NAA35: variants seen among roughly 807,000 people sequenced by gnomAD.
The protein encoded by NAA35 is N-alpha-acetyltransferase 35, NatC auxiliary subunit.
A neutral mutation model predicts 101.7 loss-of-function variants in NAA35; 18 were observed. The observed-to-expected ratio is 0.18, with a 90% confidence interval of 0.12 to 0.26. The LOEUF is 0.26. Ranked by LOEUF, NAA35 falls within the 10% of genes least tolerant of loss-of-function variation. The pLI is 1.00. For missense variants in NAA35, 601 were observed against 886.8 expected, an observed-to-expected ratio of 0.68 and a Z score of 4.09; for synonymous variants, 267 against 273.1, an observed-to-expected ratio of 0.98 and a Z score of 0.22.
intron 17 of NAA35, 142 bp from the exon 18 acceptor site, chr9:86,016,397 G>GT (rs1832225002): frequency 1.1e-5 from 7 of 652,642 alleles, no homozygotes; most frequent in Non-Finnish European, 1.7e-5. Flanking sequence ...TTCATTTCTT[G>GT]TAAGATCTAA....
intron 11 of NAA35, among the ~76,000 whole-genome samples, chr9:85,987,902 C>T (rs1044060491): frequency 1.3e-5 from 2 of 152,252 alleles, no homozygotes; most frequent in South Asian, 4.1e-4. Flanking sequence ...GGAATAATCA[C>T]AGGTGTGGAG....
At chr9:85,980,011 TC>T (rs961880610) in intron 11 of NAA35, among the ~76,000 whole-genome samples, 3 of 152,178 alleles carry the variant, frequency 2.0e-5, no homozygotes, top group African/African-American at 7.2e-5. Flanking sequence ...AAGTTGGGAT[TC>T]CCACGACTCT....
intron 6 of NAA35, among the ~76,000 whole-genome samples, chr9:85,966,982 C>CT (rs982202260): frequency 1.2e-4 from 18 of 152,258 alleles, no homozygotes; most frequent in African/African-American, 4.3e-4. Context: ...TGGCACATGC[C>CT]TGTAGTCATA....
chr9:85,989,481 A>G (rs990270039), intron 11 of NAA35, among the ~76,000 whole-genome samples: 66 of 147,060 alleles, frequency 4.5e-4, no homozygotes, highest in African/African-American at 1.7e-3. Flanking sequence ...AAAACAAAAA[A>G]CAAACAAACA....
chr9:85,946,709 C>T (rs1488736949), intron 2 of NAA35, among the ~76,000 whole-genome samples: 1 of 151,344 alleles, frequency 6.6e-6, no homozygotes, highest in East Asian at 1.9e-4. Flanking sequence ...AGCTCATCAC[C>T]TATCAGTGTA....
intron 15 of NAA35, among the ~76,000 whole-genome samples, chr9:86,011,498 A>G (rs1453732133): frequency 3.3e-5 from 5 of 150,802 alleles, no homozygotes; most frequent in East Asian, 2.0e-4. Context: ...AGCAGAGACT[A>G]CAGGCTCATG....
Position 85,975,119 on chromosome 9 carries a change from C to A in NAA35, c.589C>A (p.Leu197Ile). 1 of 1,613,392 alleles carries A rather than the reference C, an allele frequency of 6.2e-7. No individual in the cohort carries two copies. The highest frequency in any genetic ancestry group is 8.5e-7 in the Non-Finnish European group (1 of 1,179,726). The change falls in exon 8 of 23, where the codon CTA (leucine) becomes ATA (isoleucine). Residue 197 changes from leucine (L) to isoleucine (I), a missense_variant. Physicochemically the swap from Leu to Ile is conservative, Grantham distance 5. Coordinates refer to ENST00000361671, the MANE Select transcript of NAA35 (RefSeq NM_024635.4). ...CTTATTGTTTCTTTTTCTAGGCATG[C>A]TAAAAGATGTGGAGGATGACATGCA... is the stretch of plus-strand genomic sequence containing the variant. Reference protein sequence around the residue: ...SVTDLRVTGMLKDVEDDMQRR... With the variant: ...SVTDLRVTGMIKDVEDDMQRR...
Position 86,025,250 on chromosome 9 carries a change from G to A in NAA35, c.*3290G>A, listed in dbSNP as rs1031589150. On this transcript the variant is annotated 3_prime_UTR_variant, in exon 23 of 23. Coordinates refer to ENST00000361671, the MANE Select transcript of NAA35 (RefSeq NM_024635.4). ...CCATATGCCGCTCAGAGGCCATTAAGAGAAGGACTGAAAAGAGCCCATTGA... is the reference window on the plus strand; with the variant it reads ...CCATATGCCGCTCAGAGGCCATTAAAAGAAGGACTGAAAAGAGCCCATTGA... 6.6e-6 allele frequency among the ~76,000 whole-genome samples: 1 copy of A among 152,130 alleles called. No homozygotes were observed. The highest frequency in any genetic ancestry group is 2.4e-5 in the African/African-American group (1 of 41,438).
rs1832343168 is a variant in NAA35 at position 86,018,462 on chromosome 9, G to A, written c.1914+67G>A. On this transcript the variant is annotated intron_variant, in intron 20 of 22. Coordinates refer to ENST00000361671, the MANE Select transcript of NAA35 (RefSeq NM_024635.4). Reference sequence around the variant, plus strand: ...AGACCTTCTTAGAGAGATGCTGTTTGTACCTAGCCATCTTGTTACATTAAC... The same window carrying A: ...AGACCTTCTTAGAGAGATGCTGTTTATACCTAGCCATCTTGTTACATTAAC... The A allele has an allele frequency of 4.0e-6, 6 of 1,512,550 alleles. No individual in the cohort carries two copies. The South Asian group carries it at 5.0e-5, about 13-fold the overall frequency. The allele number at this position is 1,512,550 out of a possible 1,614,324, so 93.7% of individuals were successfully genotyped here.
intron 14 of NAA35, 54 bp downstream of exon 14, chr9:86,007,518 A>C (rs1017258148): frequency 6.8e-6 from 9 of 1,330,410 alleles, no homozygotes; most frequent in Non-Finnish European, 9.7e-6. Flanking sequence ...TTAAAAGCCC[A>C]ACTTCTCTGT....
At position 85,956,108 on chromosome 9, in the gene NAA35, C is replaced by CGATG. The variant is rs559014521; in HGVS notation, c.125-250_125-247dup. Among the ~76,000 whole-genome samples, 192 of 152,196 alleles carry CGATG rather than the reference C, an allele frequency of 1.3e-3. 4 individuals carry two copies. The South Asian group carries it at 0.034, about 27-fold the overall frequency. On this transcript the variant is annotated intron_variant, in intron 2 of 22. Transcript: ENST00000361671. The stretch of plus-strand genomic sequence containing the variant: ...ATTCTGATTGGAATATTATGGCCTG[C>CGATG]GATGGGTCACTTATTCTCAAAAGTA...
At chr9:85,960,864 A>G (rs886276610) in intron 5 of NAA35, among the ~76,000 whole-genome samples, 1 of 152,262 alleles carries the variant, frequency 6.6e-6, no homozygotes, top group African/African-American at 2.4e-5. Context: ...GTGAGGTACT[A>G]AAGAATGGTA....
In NAA35 at chr9:85,995,845, A is replaced by G. The variant is rs182013908; in HGVS notation, c.878-554A>G. ...GGAACTCACTCTTAGGTGTCTTACA[A>G]TACTGTCTTTAAAATATTGTGGATT... On this transcript the variant is annotated intron_variant, in intron 11 of 22. Coordinates refer to ENST00000361671, the MANE Select transcript of NAA35 (RefSeq NM_024635.4). 5.4e-3 allele frequency among the ~76,000 whole-genome samples: 822 copies of G among 152,296 alleles called. 9 individuals carry two copies. Among genetic ancestry groups the G allele is most frequent in the African/African-American group, 0.019 (794 of 41,572 alleles).
intron 6 of NAA35, among the ~76,000 whole-genome samples, chr9:85,973,971 T>G (rs1314064633): frequency 6.6e-6 from 1 of 152,110 alleles, no homozygotes; most frequent in East Asian, 1.9e-4. Context: ...TACATTTTTT[T>G]TTTGAGGCAG....
chr9:85,957,890 C>T (rs2118344219), intron 3 of NAA35, among the ~76,000 whole-genome samples: 1 of 151,928 alleles, frequency 6.6e-6, no homozygotes, highest in East Asian at 1.9e-4. Flanking sequence ...TGGGTCCTAC[C>T]CCGAGAATTC....
chr9:85,953,218 T>A (rs7855516), intron 2 of NAA35, among the ~76,000 whole-genome samples: 12,025 of 122,778 alleles, frequency 0.098, 1,508 homozygotes, highest in African/African-American at 0.34. Context: ...CCTCAAGAGA[T>A]TTTTTTTTTT....
In NAA35 at chr9:85,993,355, T is replaced by C. The variant is rs375643894; in HGVS notation, c.878-3044T>C. On this transcript the variant is annotated intron_variant, in intron 11 of 22. Coordinates refer to ENST00000361671, the MANE Select transcript of NAA35 (RefSeq NM_024635.4). Reference sequence around the variant, plus strand: ...ACCTGGCTAATTTTTGTGTTTTTAGTAGAGATGGGGTTTCACCCTGTTGGC... The same window carrying C: ...ACCTGGCTAATTTTTGTGTTTTTAGCAGAGATGGGGTTTCACCCTGTTGGC... 2.0e-5 allele frequency among the ~76,000 whole-genome samples: 3 copies of C among 152,124 alleles called. No individual in the cohort carries two copies. In the East Asian group the frequency reaches 5.8e-4, roughly 29 times the overall value.
intron 6 of NAA35, chr9:85,966,805 C>A (rs1829761072): frequency 3.1e-6 from 1 of 319,220 alleles, no homozygotes; most frequent in Non-Finnish European, 5.7e-6. Flanking sequence ...CTCTATAACT[C>A]AGCCTTAAAG....
chr9:85,959,888 A>G (rs1203074291), intron 5 of NAA35, 21 bp downstream of exon 5: 1 of 1,562,702 alleles, frequency 6.4e-7, no homozygotes, highest in African/African-American at 1.4e-5. Flanking sequence ...AAATAAGACT[A>G]TTGGTTAATT....
Sources: allele counts gnomAD v4.1 joint callset (sites outside exome capture counted in the v4.1 genomes callset), GRCh38; gene constraint gnomAD v4.1.1; transcripts MANE v1.5; gene names NCBI Gene and HGNC (gene_info 2026-07-23, HGNC 2026-07-21).